The following LPA variants were observed in gnomAD, a reference collection of about 807,000 sequenced individuals.
LPA encodes the protein apolipoprotein(a).
Under a neutral mutation model 197.9 loss-of-function variants are expected in LPA, and 199 were observed. That is an observed-to-expected ratio of 1.01 (90% CI 0.90 to 1.13). The LOEUF (loss-of-function observed/expected upper bound fraction) is 1.13, where lower values mean the gene tolerates loss of function less well. Ranked by LOEUF, LPA falls within the 50% of genes most tolerant of loss-of-function variation. LPA has a pLI of 0.00. For missense variants in LPA, 1,853 were observed against 1,785.8 expected, an observed-to-expected ratio of 1.04 and a Z score of -0.68; for synonymous variants, 715 against 639.5, an observed-to-expected ratio of 1.12 and a Z score of -1.78.
chr6:160,553,534 T>C (rs1052106214), intron 30 of LPA, among the ~76,000 whole-genome samples: 3 of 152,194 alleles, frequency 2.0e-5, no homozygotes, highest in Non-Finnish European at 4.4e-5. Flanking sequence ...ACTTTAAAGA[T>C]GTTATGCCAT....
chr6:160,650,927 A>G (rs1206101413), intron 1 of LPA, among the ~76,000 whole-genome samples: 1 of 152,184 alleles, frequency 6.6e-6, no homozygotes, highest in African/African-American at 2.4e-5. Context: ...AGAAAAGCCA[A>G]AGCCTTAAGT....
chr6:160,594,036 A>G lies in LPA; in HGVS notation c.3551T>C (p.Val1184Ala). Residue 1184 changes from valine to alanine, a missense_variant, in exon 22 of 39, where the codon GTC becomes GCC. Physicochemically the swap from Val to Ala is moderately conservative, Grantham distance 64. Coordinates refer to ENST00000316300, the MANE Select transcript of LPA (RefSeq NM_005577.4). ...QSYRGSFSTT[V>A]TGRTCQSWSS... ...CCAAGACTGACATGTCCTTCCTGTGACAGTGGTAGAGAATGAGCCTCGATA... is the reference window on the plus strand; with the variant it reads ...CCAAGACTGACATGTCCTTCCTGTGGCAGTGGTAGAGAATGAGCCTCGATA... 6.2e-7 allele frequency: 1 copy of G among 1,613,990 alleles called. No individual in the cohort carries two copies. The highest frequency in any genetic ancestry group is 1.1e-5 in the South Asian group (1 of 91,076).
At chr6:160,564,641 C>T (rs9365173) in intron 28 of LPA, among the ~76,000 whole-genome samples, 30,125 of 152,074 alleles carry the variant, frequency 0.2, 3,365 homozygotes, top group East Asian at 0.4. Flanking sequence ...TTCATCTCAC[C>T]GGGGCTTGTC....
chr6:160,595,217 C>G, intron 21 of LPA, 137 bp downstream of exon 21: 1 of 1,088,536 alleles, frequency 9.2e-7, no homozygotes, highest in Admixed American at 1.8e-5. Flanking sequence ...GCTGAGTGTT[C>G]CTTCCCAGTG....
intron 30 of LPA, among the ~76,000 whole-genome samples, chr6:160,554,811 A>T (rs1310063580): frequency 6.6e-6 from 1 of 152,004 alleles, no homozygotes; most frequent in East Asian, 1.9e-4. Context: ...CCTAGCATAG[A>T]AAATACACAT....
At chr6:160,587,789 GTGTGTGTGTGTT>G (rs1234824759) in intron 24 of LPA, among the ~76,000 whole-genome samples, 40 of 123,782 alleles carry the variant, frequency 3.2e-4, no homozygotes, top group East Asian at 1.2e-3. Context: ...GTGTGTGTGT[GTGTGTGTGTGTT>G]TCTGTCTGTT....
chr6:160,590,840 T>G, intron 23 of LPA, 104 bp downstream of exon 23: 1 of 1,487,856 alleles, frequency 6.7e-7, no homozygotes, highest in Non-Finnish European at 9.3e-7. Flanking sequence ...TGAGTCCACA[T>G]TCAGATTCCC....
rs1045822623 is a variant in LPA, at chr6:160,590,806, G to A, written c.3787+138C>T. ...CTGGTTCCCCCAGAGAAGGCGCTGA[G>A]GCTTCCTTCCCATTGGCTGACCCTG... On this transcript the variant is annotated intron_variant, in intron 23 of 38. Coordinates refer to ENST00000316300, the MANE Select transcript of LPA (RefSeq NM_005577.4). 4.1e-6 allele frequency: 5 copies of A among 1,215,066 alleles called. No homozygotes were observed. In the African/African-American group the frequency reaches 7.5e-5, roughly 18 times the overall value. The allele number at this position is 1,215,066 out of a possible 1,614,324, so 75.3% of individuals were successfully genotyped here. A position where few individuals can be genotyped will look rare whatever the true frequency, so the allele number is the denominator to read the frequency against.
intron 30 of LPA, among the ~76,000 whole-genome samples, chr6:160,553,972 CGTGT>C (rs752436691): frequency 6.5e-5 from 7 of 108,170 alleles, no homozygotes; most frequent in South Asian, 2.9e-4. Flanking sequence ...CGCGCGTGTG[CGTGT>C]GTGTGTGTCT....
chr6:160,659,375 C>T (rs1365012840), intron 1 of LPA, among the ~76,000 whole-genome samples: 1 of 152,126 alleles, frequency 6.6e-6, no homozygotes, highest in East Asian at 1.9e-4. Flanking sequence ...GTGTTAGTGG[C>T]AGAAGGACTT....
intron 29 of LPA, among the ~76,000 whole-genome samples, chr6:160,556,848 T>C (rs567893737): frequency 2.0e-5 from 3 of 152,216 alleles, no homozygotes; most frequent in Admixed American, 2.0e-4. Flanking sequence ...CACCAAGAAA[T>C]TCCTGCCTTC....
chr6:160,532,401 C>A, intron 38 of LPA, 130 bp downstream of exon 38: 1 of 775,380 alleles, frequency 1.3e-6, no homozygotes, highest in Non-Finnish European at 2.3e-6. Flanking sequence ...TGGGGAGTTT[C>A]TGAGCAACAC....
intron 20 of LPA, among the ~76,000 whole-genome samples, chr6:160,597,430 C>A (rs1219983109): frequency 6.6e-6 from 1 of 152,178 alleles, no homozygotes; most frequent in Non-Finnish European, 1.5e-5. Context: ...TGTTTCAATG[C>A]TCGTGTGGCT....
intron 30 of LPA, among the ~76,000 whole-genome samples, chr6:160,555,388 G>T (rs1346096818): frequency 1.4e-5 from 2 of 139,612 alleles, no homozygotes; most frequent in African/African-American, 5.3e-5. Context: ...TAGGGTATTT[G>T]GTCATCAGTC....
chr6:160,544,359 G>A (rs1305745216), intron 33 of LPA, among the ~76,000 whole-genome samples: 2 of 151,988 alleles, frequency 1.3e-5, no homozygotes, highest in African/African-American at 4.8e-5. Context: ...CGACAAAATA[G>A]AACAAAAGCA....
At chr6:160,649,970 A>G (rs1779973799) in intron 2 of LPA, among the ~76,000 whole-genome samples, 1 of 152,226 alleles carries the variant, frequency 6.6e-6, no homozygotes, top group Non-Finnish European at 1.5e-5. Context: ...GCCAAGACAG[A>G]AAAGGCCAAC....
In LPA at chr6:160,606,731, G is replaced by A. The variant is rs1328670042; in HGVS notation, c.2604-73C>T. ...AGGGGCACCCCACACCCTCTCCTTTGTGCTGCAACAAGGTCATTACCAGTG... is the reference window on the plus strand; with the variant it reads ...AGGGGCACCCCACACCCTCTCCTTTATGCTGCAACAAGGTCATTACCAGTG... On this transcript the variant is annotated intron_variant, in intron 16 of 38. Transcript: ENST00000316300. The A allele has an allele frequency of 1.3e-5, 21 of 1,566,886 alleles. No individual in the cohort carries two copies. In the Admixed American group the frequency reaches 1.8e-4, roughly 14 times the overall value.
intron 1 of LPA, among the ~76,000 whole-genome samples, chr6:160,652,040 A>C (rs1780015908): frequency 6.6e-6 from 1 of 151,290 alleles, no homozygotes; most frequent in Admixed American, 6.6e-5. Flanking sequence ...CAGAAGAAGC[A>C]TATAAGGTTT....
chr6:160,634,762 G>C (rs552293451), intron 7 of LPA, among the ~76,000 whole-genome samples: 11 of 151,562 alleles, frequency 7.3e-5, no homozygotes, highest in African/African-American at 2.4e-4. Context: ...CTGACTGCTG[G>C]CTACTTGAAG....
Sources: gnomAD v4.1 joint callset for allele counts (sites outside exome capture counted in the v4.1 genomes callset) on GRCh38, gnomAD v4.1.1 for gene constraint, MANE v1.5 for transcripts, NCBI Gene and HGNC (gene_info 2026-07-23, HGNC 2026-07-21) for gene names.